Variants in OR5A1 observed in about 807,000 individuals in gnomAD.
The protein encoded by OR5A1 is olfactory receptor 5A1.
OR5A1 carries 6 observed loss-of-function variants against 6.7 expected under a neutral mutation model. The ratio of observed to expected loss-of-function variants is 0.89; its 90% CI spans 0.49 to 1.76. OR5A1 has a LOEUF of 1.76. Ranked by LOEUF, OR5A1 falls within the 40% of genes most tolerant of loss-of-function variation. The probability of loss-of-function intolerance (pLI) is 0.01; values close to 1 mark genes in which losing one functional copy is unlikely to be tolerated. For missense variants in OR5A1, 378 were observed against 381.7 expected, an observed-to-expected ratio of 0.99 and a Z score of 0.08; for synonymous variants, 170 against 155.0, an observed-to-expected ratio of 1.10 and a Z score of -0.72.
chr11:59,446,432 T>G lies in OR5A1; in HGVS notation c.*2316T>G, dbSNP rs1858550622. 1 of 152,206 alleles carries G rather than the reference T, an allele frequency of 6.6e-6. No homozygotes were observed. Among genetic ancestry groups the G allele is most frequent in the African/African-American group, 2.4e-5 (1 of 41,440 alleles). 9.4% of individuals were successfully genotyped at this position (152,206 alleles called of 1,614,324 possible). ...GTCAGGGAGTGTAATGCCTCCGGCT[T>G]TGTTCTTTTTGCTTAGGATTGTCTT... On this transcript the variant is annotated 3_prime_UTR_variant, in exon 2 of 2. Coordinates refer to ENST00000641045, the MANE Select transcript of OR5A1 (RefSeq NM_001004728.2).
In OR5A1 at chr11:59,449,878, T is replaced by C. The variant is rs1460811806; in HGVS notation, c.*5762T>C. 6.6e-6 allele frequency: 1 copy of C among 152,198 alleles called. No homozygotes were observed. The highest frequency in any genetic ancestry group is 1.5e-5 in the Non-Finnish European group (1 of 68,034). The allele number at this position is 152,198 out of a possible 1,614,324, so 9.4% of individuals were successfully genotyped here. A position where few individuals can be genotyped will look rare whatever the true frequency, so the allele number is the denominator to read the frequency against. On this transcript the variant is annotated 3_prime_UTR_variant, in exon 2 of 2. Coordinates refer to ENST00000641045, the MANE Select transcript of OR5A1 (RefSeq NM_001004728.2). Reference sequence around the variant, plus strand: ...TCAAAAAGAATTATTGAATAACTGCTATGTTCCAGGTAGGAGCTGGGGATA... The same window carrying C: ...TCAAAAAGAATTATTGAATAACTGCCATGTTCCAGGTAGGAGCTGGGGATA...
intron 1 of OR5A1, among the ~76,000 whole-genome samples, chr11:59,441,154 C>T (rs144629363): frequency 4.6e-5 from 7 of 152,164 alleles, no homozygotes; most frequent in East Asian, 1.9e-4. Context: ...AAAAATTTGG[C>T]GCAAATAGAG....
rs867339177 is a variant in OR5A1, at chr11:59,443,481, T to C, written c.313T>C (p.Phe105Leu). 1 of 1,614,072 alleles carries C rather than the reference T, an allele frequency of 6.2e-7. No homozygotes were observed. Among genetic ancestry groups the C allele is most frequent in the African/African-American group, 1.3e-5 (1 of 75,012 alleles). Residue 105 changes from phenylalanine to leucine, a missense_variant, in exon 2 of 2, where the codon TTT (phenylalanine) becomes CTT (leucine). Physicochemically the swap from Phe to Leu is conservative, Grantham distance 22. Transcript: ENST00000641045. ...ATTTGTGGGCTGTGCTGCTCAGTTT[T>C]TTTTCTTTGTCGGCATGGGTCTGTC... Reference protein sequence around the residue: ...ISFVGCAAQFFFFVGMGLSEC... With the variant: ...ISFVGCAAQFLFFVGMGLSEC...
intron 1 of OR5A1, among the ~76,000 whole-genome samples, chr11:59,441,938 TGATAGATAGATAGATAGATAGATA>T (rs3033264): frequency 2.0e-5 from 3 of 147,998 alleles, no homozygotes; most frequent in South Asian, 2.2e-4. Flanking sequence ...GATAGAGAGA[TGATAGATAGATAGATAGATAGATA>T]GATAGATAGA....
At position 59,444,435 on chromosome 11, in the gene OR5A1, A is replaced by G. The variant is rs1187143367; in HGVS notation, c.*319A>G. On this transcript the variant is annotated 3_prime_UTR_variant, in exon 2 of 2. Coordinates refer to ENST00000641045, the MANE Select transcript of OR5A1 (RefSeq NM_001004728.2). ...CCAGGCACAAAAGTTATTTAATTAAATACTCATTGCAGTACTAAAATACAC... is the reference window on the plus strand; with the variant it reads ...CCAGGCACAAAAGTTATTTAATTAAGTACTCATTGCAGTACTAAAATACAC... 9.8e-6 allele frequency: 2 copies of G among 203,380 alleles called. No homozygotes were observed. Among genetic ancestry groups the G allele is most frequent in the African/African-American group, 4.6e-5 (2 of 43,298 alleles). 12.6% of individuals were successfully genotyped at this position (203,380 alleles called of 1,614,324 possible).
At position 59,450,927 on chromosome 11, in the gene OR5A1, A is replaced by G. The variant is rs1011824442; in HGVS notation, c.*6811A>G. 10 of 152,208 alleles carry G rather than the reference A, an allele frequency of 6.6e-5. No homozygotes were observed. Among genetic ancestry groups the G allele is most frequent in the African/African-American group, 2.4e-4 (10 of 41,456 alleles). The allele number at this position is 152,208 out of a possible 1,614,324, so 9.4% of individuals were successfully genotyped here. On this transcript the variant is annotated 3_prime_UTR_variant, in exon 2 of 2. Transcript: ENST00000641045. ...TATATCAGACGCTAACTTAAATTCT[A>G]ATTTCTACTATTTGAAACAGCAATG...
chr11:59,442,598 G>T (rs1471636554), intron 1 of OR5A1, among the ~76,000 whole-genome samples: 3 of 152,136 alleles, frequency 2.0e-5, no homozygotes, highest in Non-Finnish European at 4.4e-5. Context: ...CTAATCCTTT[G>T]CATTAAAAAC....
rs1858590437 is a variant in OR5A1 at position 59,449,442 on chromosome 11, C to T, written c.*5326C>T. 2 of 152,160 alleles carry T rather than the reference C, an allele frequency of 1.3e-5. No homozygotes were observed. The highest frequency in any genetic ancestry group is 4.8e-5 in the African/African-American group (2 of 41,440). The allele number at this position is 152,160 out of a possible 1,614,324, so 9.4% of individuals were successfully genotyped here. On this transcript the variant is annotated 3_prime_UTR_variant, in exon 2 of 2. Transcript: ENST00000641045. ...CTAGAAGCTTCAGGCTGATTAAGAT[C>T]TCCTACTTCTAACCTAAAATACTGG...
rs1380599149 is a variant in OR5A1 at position 59,449,713 on chromosome 11, AT to A, written c.*5600del. ...AGTATTCTCTCATATGCATTAAGCC[AT>A]TTAATTGACTTATACAGCAACATAA... On this transcript the variant is annotated 3_prime_UTR_variant, in exon 2 of 2. Coordinates refer to ENST00000641045, the MANE Select transcript of OR5A1 (RefSeq NM_001004728.2). The A allele has an allele frequency of 7.2e-5, 11 of 152,238 alleles. No homozygotes were observed. The highest frequency in any genetic ancestry group is 1.0e-4 in the Non-Finnish European group (7 of 68,040). 9.4% of individuals were successfully genotyped at this position (152,238 alleles called of 1,614,324 possible).
chr11:59,444,003 G>T lies in OR5A1; in HGVS notation c.835G>T (p.Val279Phe), dbSNP rs746243201. ...YLLGRDKVVS[V>F]FYSLVIPMLN... Reference sequence around the variant, plus strand: ...GCTAGGCAGGGACAAGGTGGTGTCTGTTTTCTATTCATTGGTGATCCCCAT... The same window carrying T: ...GCTAGGCAGGGACAAGGTGGTGTCTTTTTTCTATTCATTGGTGATCCCCAT... The change falls in exon 2 of 2, where the codon GTT (valine) becomes TTT (phenylalanine). Residue 279 changes from valine to phenylalanine, a missense_variant. Transcript: ENST00000641045. 1.2e-6 allele frequency: 2 copies of T among 1,614,016 alleles called. No individual in the cohort carries two copies. The highest frequency in any genetic ancestry group is 2.2e-5 in the South Asian group (2 of 91,064).
intron 1 of OR5A1, among the ~76,000 whole-genome samples, chr11:59,441,958 A>G (rs1186119409): frequency 1.3e-5 from 2 of 151,764 alleles, no homozygotes; most frequent in Non-Finnish European, 2.9e-5. Flanking sequence ...ATAGATAGAT[A>G]GATAGATAGA....
rs150886922 is a variant in OR5A1, at chr11:59,443,492, C to T, written c.324C>T (p.Val108=). The change falls in exon 2 of 2, where the codon GTC becomes GTT. Residue 108 remains valine (V), a synonymous_variant. Transcript: ENST00000641045. ...GTGCTGCTCAGTTTTTTTTCTTTGT[C>T]GGCATGGGTCTGTCTGAGTGCCTCC... ...VGCAAQFFFF[V]GMGLSECLLL... The T allele has an allele frequency of 6.2e-6, 10 of 1,613,802 alleles. No individual in the cohort carries two copies. The highest frequency in any genetic ancestry group is 1.3e-5 in the African/African-American group (1 of 74,852).
In OR5A1 at chr11:59,443,439, G is replaced by A. The variant is rs772451532; in HGVS notation, c.271G>A (p.Glu91Lys). 35 of 1,613,814 alleles carry A rather than the reference G, an allele frequency of 2.2e-5. No homozygotes were observed. Among genetic ancestry groups the A allele is most frequent in the Non-Finnish European group, 2.8e-5 (33 of 1,180,016 alleles). Residue 91 changes from glutamate (E) to lysine (K), a missense_variant, in exon 2 of 2, where the codon GAG becomes AAG. Physicochemically the swap from Glu to Lys is moderately conservative, Grantham distance 56. Coordinates refer to ENST00000641045, the MANE Select transcript of OR5A1 (RefSeq NM_001004728.2). The part of the protein sequence containing the change: ...APNMLTDFFW[E>K]QKTISFVGCA... ...CAATATGCTCACTGACTTCTTCTGG[G>A]AGCAGAAGACCATATCATTTGTGGG... is the stretch of plus-strand genomic sequence containing the variant.
chr11:59,449,629 T>A lies in OR5A1; in HGVS notation c.*5513T>A, dbSNP rs886818621. 29 of 152,200 alleles carry A rather than the reference T, an allele frequency of 1.9e-4. No homozygotes were observed. The highest frequency in any genetic ancestry group is 7.3e-5 in the Non-Finnish European group (5 of 68,028). 9.4% of individuals were successfully genotyped at this position (152,200 alleles called of 1,614,324 possible). Reference sequence around the variant, plus strand: ...TGGCAGCAAAAAGACAACTATATAATGATATTAGGATTATGATAATATTAA... The same window carrying A: ...TGGCAGCAAAAAGACAACTATATAAAGATATTAGGATTATGATAATATTAA... On this transcript the variant is annotated 3_prime_UTR_variant, in exon 2 of 2. Transcript: ENST00000641045.
chr11:59,441,431 G>A (rs1565074559), intron 1 of OR5A1, among the ~76,000 whole-genome samples: 1 of 152,048 alleles, frequency 6.6e-6, no homozygotes, highest in Non-Finnish European at 1.5e-5. Flanking sequence ...ATATCTCACA[G>A]TTCTTTAATT....
Position 59,443,367 on chromosome 11 carries a change from A to G in OR5A1, c.199A>G (p.Ser67Gly), listed in dbSNP as rs1205648309. The stretch of plus-strand genomic sequence containing the variant: ...GCACACACCCATGTACTTCTTCCTA[A>G]GCAACTTATCTTTCATTGACATCTG... ...HLHTPMYFFL[S>G]NLSFIDICYS... The change falls in exon 2 of 2, where the codon AGC becomes GGC. Residue 67 changes from serine to glycine, a missense_variant. Ser to Gly is a moderately conservative substitution (Grantham distance 56). Coordinates refer to ENST00000641045, the MANE Select transcript of OR5A1 (RefSeq NM_001004728.2). 5.0e-6 allele frequency: 8 copies of G among 1,613,786 alleles called. No individual in the cohort carries two copies. The South Asian group carries it at 8.8e-5, about 18-fold the overall frequency.
rs1858580605 is a variant in OR5A1, at chr11:59,448,660, T to C, written c.*4544T>C. 1 of 152,206 alleles carries C rather than the reference T, an allele frequency of 6.6e-6. No homozygotes were observed. Among genetic ancestry groups the C allele is most frequent in the Non-Finnish European group, 1.5e-5 (1 of 68,030 alleles). 9.4% of individuals were successfully genotyped at this position (152,206 alleles called of 1,614,324 possible). On this transcript the variant is annotated 3_prime_UTR_variant, in exon 2 of 2. Transcript: ENST00000641045. ...CCCTGGGCCAATCTCGCCCCATTCTTGCCCTTTGGTGTGAATCATCACAGT... is the reference window on the plus strand; with the variant it reads ...CCCTGGGCCAATCTCGCCCCATTCTCGCCCTTTGGTGTGAATCATCACAGT...
At position 59,450,843 on chromosome 11, in the gene OR5A1, T is replaced by C. The variant is rs1412834533; in HGVS notation, c.*6727T>C. The C allele has an allele frequency of 6.6e-6, 1 of 152,244 alleles. No individual in the cohort carries two copies. The highest frequency in any genetic ancestry group is 1.5e-5 in the Non-Finnish European group (1 of 68,030). 9.4% of individuals were successfully genotyped at this position (152,244 alleles called of 1,614,324 possible). On this transcript the variant is annotated 3_prime_UTR_variant, in exon 2 of 2. Coordinates refer to ENST00000641045, the MANE Select transcript of OR5A1 (RefSeq NM_001004728.2). ...TAAAAGTACAATTCTACGTTATCACTTTGAATGTCTGCAAATACTTAATTG... is the reference window on the plus strand; with the variant it reads ...TAAAAGTACAATTCTACGTTATCACCTTGAATGTCTGCAAATACTTAATTG...
rs1219826031 is a variant in OR5A1, at chr11:59,447,709, A to T, written c.*3593A>T. On this transcript the variant is annotated 3_prime_UTR_variant, in exon 2 of 2. Transcript: ENST00000641045. ...CAAAATATCAGTTTAATAATGTTAA[A>T]TCGACAGATAATGTTCTGTTGGAGG... is the stretch of plus-strand genomic sequence containing the variant. 7.9e-5 allele frequency: 12 copies of T among 152,344 alleles called. No individual in the cohort carries two copies. The highest frequency in any genetic ancestry group is 2.9e-4 in the African/African-American group (12 of 41,572). 9.4% of individuals were successfully genotyped at this position (152,344 alleles called of 1,614,324 possible).
Sources: allele counts gnomAD v4.1 joint callset (sites outside exome capture counted in the v4.1 genomes callset), GRCh38; gene constraint gnomAD v4.1.1; transcripts MANE v1.5; gene names NCBI Gene and HGNC (gene_info 2026-07-23, HGNC 2026-07-21).